Variants in PRDM16 observed in about 807,000 individuals in gnomAD.
The protein encoded by PRDM16 is PR/SET domain 16.
Under a neutral mutation model 110.6 loss-of-function variants are expected in PRDM16, and 23 were observed. The ratio of observed to expected loss-of-function variants is 0.21; its 90% confidence interval spans 0.15 to 0.29. The LOEUF (loss-of-function observed/expected upper bound fraction) is 0.29, where lower values mean the gene tolerates loss of function less well. PRDM16 is among the 10% of genes least tolerant of loss of function. The pLI is 1.00. For missense variants in PRDM16, 1,615 were observed against 1,794.3 expected, an observed-to-expected ratio of 0.90 and a Z score of 1.81; for synonymous variants, 799 against 781.8, an observed-to-expected ratio of 1.02 and a Z score of -0.37.
chr1:3,164,608 C>T (rs946301011), intron 1 of PRDM16, among the ~76,000 whole-genome samples: 4 of 152,326 alleles, frequency 2.6e-5, no homozygotes, highest in African/African-American at 7.2e-5. Context: ...CTCGGTGTCT[C>T]TGGAAACCAT....
At chr1:3,105,051 G>A (rs1279770231) in intron 1 of PRDM16, among the ~76,000 whole-genome samples, 1 of 152,126 alleles carries the variant, frequency 6.6e-6, no homozygotes, top group African/African-American at 2.4e-5. Flanking sequence ...AGAGGAGCGG[G>A]GGGTGGGGGC....
intron 3 of PRDM16, among the ~76,000 whole-genome samples, chr1:3,312,440 G>A (rs1471536526): frequency 6.6e-6 from 1 of 152,228 alleles, no homozygotes; most frequent in Non-Finnish European, 1.5e-5. Flanking sequence ...TCCGAGGTCT[G>A]TCCTGGAGGC....
intron 4 of PRDM16, among the ~76,000 whole-genome samples, chr1:3,385,710 A>G (rs1643183150): frequency 6.6e-6 from 1 of 152,230 alleles, no homozygotes; most frequent in Non-Finnish European, 1.5e-5. Context: ...TTTTCCGAAG[A>G]GTCCGCACCG....
At chr1:3,150,515 G>A (rs554304472) in intron 1 of PRDM16, among the ~76,000 whole-genome samples, 6 of 152,212 alleles carry the variant, frequency 3.9e-5, no homozygotes, top group South Asian at 2.1e-4. Context: ...CCGAAATTGC[G>A]CCACAGCGCT....
intron 2 of PRDM16, 38 bp downstream of exon 2, chr1:3,186,512 T>C: frequency 7.8e-7 from 1 of 1,290,172 alleles, no homozygotes; most frequent in Non-Finnish European, 1.1e-6. Flanking sequence ...ATCACGGCCA[T>C]TTATCTTGTG....
At chr1:3,405,808 C>T (rs1263639095) in intron 8 of PRDM16, among the ~76,000 whole-genome samples, 160 bp downstream of exon 8, 1 of 152,234 alleles carries the variant, frequency 6.6e-6, no homozygotes, top group Non-Finnish European at 1.5e-5. Flanking sequence ...CCGCGTGCAG[C>T]CTGGTCCCCG....
At chr1:3,089,088 G>A (rs1156242588) in intron 1 of PRDM16, among the ~76,000 whole-genome samples, 2 of 152,342 alleles carry the variant, frequency 1.3e-5, no homozygotes, top group East Asian at 1.9e-4. Flanking sequence ...AGTCCGAGAT[G>A]CAGGGATTCT....
Position 3,175,140 on chromosome 1 carries a change from G to A in PRDM16, c.38-10985G>A, listed in dbSNP as rs1490408979. Among the ~76,000 whole-genome samples, 1 of 152,174 alleles carries A rather than the reference G, an allele frequency of 6.6e-6. No homozygotes were observed. The highest frequency in any genetic ancestry group is 1.5e-5 in the Non-Finnish European group (1 of 68,030). ...GCCAAGATCCAGGGCGAGGGGAGAA[G>A]CTATTGCCTTTACCGCACAGTTTTA... is the stretch of plus-strand genomic sequence containing the variant. On this transcript the variant is annotated intron_variant, in intron 1 of 16. Coordinates refer to ENST00000270722, the MANE Select transcript of PRDM16 (RefSeq NM_022114.4). This position sits in a 1 kb window ranked among gnomAD's most constrained non-coding sequence, Gnocchi z 4.8.
intron 1 of PRDM16, among the ~76,000 whole-genome samples, chr1:3,093,202 A>G (rs951242822): frequency 6.6e-6 from 1 of 152,192 alleles, no homozygotes; most frequent in African/African-American, 2.4e-5. Context: ...GGCTGATGTC[A>G]GGAGAGCCCA....
chr1:3,142,627 TCCCAGTGTGCGGAC>T (rs1314114390), intron 1 of PRDM16, among the ~76,000 whole-genome samples: 1 of 152,056 alleles, frequency 6.6e-6, no homozygotes, highest in Non-Finnish European at 1.5e-5. Flanking sequence ...CCGTGTATGT[TCCCAGTGTGCGGAC>T]CCCAGGGTGC....
chr1:3,193,123 G>A (rs1638358896), intron 2 of PRDM16, among the ~76,000 whole-genome samples: 1 of 152,092 alleles, frequency 6.6e-6, no homozygotes, highest in African/African-American at 2.4e-5. Flanking sequence ...CAGACACAGC[G>A]GCCAGACGAC....
At position 3,148,983 on chromosome 1, in the gene PRDM16, C is replaced by T. The variant is rs1158945678; in HGVS notation, c.38-37142C>T. Among the ~76,000 whole-genome samples the T allele has an allele frequency of 6.6e-6, 1 of 152,124 alleles. No individual in the cohort carries two copies. The highest frequency in any genetic ancestry group is 1.5e-5 in the Non-Finnish European group (1 of 68,020). ...ACTGGTATCAGGGGGGTCATGGGAGCCCCCCATCCCAGGGGCCCTCCGGCT... is the reference window on the plus strand; with the variant it reads ...ACTGGTATCAGGGGGGTCATGGGAGTCCCCCATCCCAGGGGCCCTCCGGCT... On this transcript the variant is annotated intron_variant, in intron 1 of 16. Coordinates refer to ENST00000270722, the MANE Select transcript of PRDM16 (RefSeq NM_022114.4). This position sits in a 1 kb window ranked among gnomAD's most constrained non-coding sequence, Gnocchi z 5.0.
intron 2 of PRDM16, among the ~76,000 whole-genome samples, chr1:3,237,251 C>A (rs192899763): frequency 1.3e-5 from 2 of 152,194 alleles, no homozygotes; most frequent in East Asian, 1.9e-4. Flanking sequence ...GAGCTCCCCC[C>A]AGGCTTCCCA....
intron 3 of PRDM16, among the ~76,000 whole-genome samples, chr1:3,267,394 A>G (rs962236763): frequency 8.6e-5 from 13 of 152,002 alleles, no homozygotes; most frequent in Non-Finnish European, 1.5e-4. Flanking sequence ...GAGGGGCCAC[A>G]CCTTTTCTAT....
At chr1:3,248,788 G>A (rs1349850876) in intron 3 of PRDM16, among the ~76,000 whole-genome samples, 1 of 152,252 alleles carries the variant, frequency 6.6e-6, no homozygotes, top group Non-Finnish European at 1.5e-5. Flanking sequence ...TTATTTGGAT[G>A]TTAGAACCAT....
At chr1:3,315,489 T>C (rs775403790) in intron 3 of PRDM16, among the ~76,000 whole-genome samples, 4 of 152,060 alleles carry the variant, frequency 2.6e-5, no homozygotes, top group African/African-American at 4.8e-5. Context: ...CATGGGCACA[T>C]TTATAAGCCA....
Position 3,244,756 on chromosome 1 carries a change from A to T in PRDM16, c.438+619A>T, listed in dbSNP as rs905303206. On this transcript the variant is annotated intron_variant, in intron 3 of 16. Transcript: ENST00000270722. The surrounding 1 kb of genome is among the most constrained non-coding windows in gnomAD (Gnocchi z 4.1). Reference sequence around the variant, plus strand: ...CCTGGGGAGGCACACACATAGTCACATGTGTGCCTGGGTGTGCACACTGCA... The same window carrying T: ...CCTGGGGAGGCACACACATAGTCACTTGTGTGCCTGGGTGTGCACACTGCA... 6.6e-6 allele frequency among the ~76,000 whole-genome samples: 1 copy of T among 152,124 alleles called. No individual in the cohort carries two copies. The highest frequency in any genetic ancestry group is 1.5e-5 in the Non-Finnish European group (1 of 68,024).
chr1:3,199,700 TGA>T (rs200067603), intron 2 of PRDM16, among the ~76,000 whole-genome samples: 1,952 of 152,314 alleles, frequency 0.013, 41 homozygotes, highest in African/African-American at 0.045. Flanking sequence ...CGCTGGGGGC[TGA>T]GAAGCGCAAG....
chr1:3,141,532 C>T (rs866237449), intron 1 of PRDM16, among the ~76,000 whole-genome samples: 11 of 152,240 alleles, frequency 7.2e-5, no homozygotes, highest in African/African-American at 1.7e-4. Flanking sequence ...TTGTACAATA[C>T]GTTATCAGTG....
Sources: gnomAD v4.1 joint callset for allele counts (sites outside exome capture counted in the v4.1 genomes callset) on GRCh38, gnomAD v4.1.1 for gene constraint, Gnocchi (gnomAD v3.1) non-coding constraint, MANE v1.5 for transcripts, NCBI Gene and HGNC (gene_info 2026-07-23, HGNC 2026-07-21) for gene names.